PGM5: variants seen among roughly 807,000 people sequenced by gnomAD.
The protein encoded by PGM5 is phosphoglucomutase 5, also known as phosphoglucomutase-like protein 5.
In PGM5, 23 loss-of-function variants were observed where a neutral mutation model predicts 59.2. The ratio of observed to expected loss-of-function variants is 0.39; its 90% CI spans 0.28 to 0.55. The LOEUF (loss-of-function observed/expected upper bound fraction) is 0.55. Among genes scored for constraint, PGM5 ranks in the 20% least tolerant of loss-of-function variants. The pLI is 0.66. For synonymous variants in PGM5, 214 were observed against 286.0 expected (o/e 0.75, Z 2.54); for missense variants, 574 against 748.3 (o/e 0.77, Z 2.72).
At chr9:68,445,281 A>T (rs2132065994) in intron 6 of PGM5, among the ~76,000 whole-genome samples, 1 of 152,286 alleles carries the variant, frequency 6.6e-6, no homozygotes, top group South Asian at 2.1e-4. Flanking sequence ...TTCTTTCTGA[A>T]CAGAACCCAA....
intron 6 of PGM5, among the ~76,000 whole-genome samples, chr9:68,430,117 A>G (rs1554682913): frequency 6.6e-6 from 1 of 152,272 alleles, no homozygotes; most frequent in East Asian, 1.9e-4. Context: ...CTGAAAAAAT[A>G]AACATAATTG....
chr9:68,466,020 A>T, intron 7 of PGM5: 2 of 567,894 alleles, frequency 3.5e-6, no homozygotes, highest in Non-Finnish European at 5.4e-6. Context: ...TTATTTTTTC[A>T]AATATTTCTC....
rs1823381023 is a variant in PGM5, at chr9:68,433,031, A to T, written c.1044-32062A>T. Among the ~76,000 whole-genome samples, 3 of 152,240 alleles carry T rather than the reference A, an allele frequency of 2.0e-5. No homozygotes were observed. The South Asian group carries it at 6.2e-4, about 32-fold the overall frequency. On this transcript the variant is annotated intron_variant, in intron 6 of 10. Transcript: ENST00000396396. ...TCCAATTTTGCACTATATATACAAT[A>T]CTGCAGTGAATACCCTGCTATGTAT...
intron 6 of PGM5, among the ~76,000 whole-genome samples, chr9:68,454,090 T>G (rs112135844): frequency 3.9e-5 from 6 of 152,276 alleles, no homozygotes; most frequent in African/African-American, 1.4e-4. Context: ...CAGATTTTAG[T>G]TGGGCTTGGG....
intron 7 of PGM5, among the ~76,000 whole-genome samples, chr9:68,473,067 G>A (rs982151086): frequency 3.3e-5 from 5 of 152,060 alleles, no homozygotes; most frequent in Non-Finnish European, 5.9e-5. Context: ...TAAGTGGTTT[G>A]AGAAATGAAA....
intron 1 of PGM5, among the ~76,000 whole-genome samples, chr9:68,370,744 A>G (rs1387602679): frequency 6.6e-6 from 1 of 152,230 alleles, no homozygotes; most frequent in Non-Finnish European, 1.5e-5. Flanking sequence ...AAAAAGCCCA[A>G]TGACATAATT....
intron 6 of PGM5, among the ~76,000 whole-genome samples, chr9:68,436,424 A>G (rs1554683378): frequency 6.6e-6 from 1 of 152,192 alleles, no homozygotes; most frequent in Non-Finnish European, 1.5e-5. Context: ...AATGATGAGA[A>G]AGCAGGACCC....
chr9:68,489,091 G>A (rs985503664), intron 9 of PGM5, among the ~76,000 whole-genome samples: 1 of 152,010 alleles, frequency 6.6e-6, no homozygotes, highest in Non-Finnish European at 1.5e-5. Flanking sequence ...CTTCACCATC[G>A]ATACCCTAAA....
At chr9:68,484,999 A>G (rs1208123020) in intron 9 of PGM5, among the ~76,000 whole-genome samples, 4 of 152,326 alleles carry the variant, frequency 2.6e-5, no homozygotes, top group Middle Eastern at 3.4e-3. Flanking sequence ...TCCTTGGGAT[A>G]TTTTTGCTCA....
chr9:68,510,923 TTGTC>T (rs1207745033), intron 10 of PGM5, among the ~76,000 whole-genome samples: 1 of 152,220 alleles, frequency 6.6e-6, no homozygotes, highest in African/African-American at 2.4e-5. Context: ...AATCTAAGCT[TTGTC>T]TGAAGAGGTA....
At chr9:68,461,853 G>T (rs17059173) in intron 6 of PGM5, among the ~76,000 whole-genome samples, 2 of 151,950 alleles carry the variant, frequency 1.3e-5, no homozygotes, top group East Asian at 3.8e-4. Context: ...CAGGCAACTT[G>T]AAGTATTCTG....
At position 68,406,949 on chromosome 9, in the gene PGM5, G is replaced by T. The variant is rs551969514; in HGVS notation, c.1043+14476G>T. 1.8e-3 allele frequency among the ~76,000 whole-genome samples: 277 copies of T among 151,636 alleles called. 2 individuals are homozygous for T. The highest frequency in any genetic ancestry group is 6.4e-3 in the African/African-American group (263 of 41,322). On this transcript the variant is annotated intron_variant, in intron 6 of 10. Transcript: ENST00000396396. ...ACTAGTGAGGCAGGGGTGCTTTCTT[G>T]CTGTGTATATTCACATTTCAGAGTC...
In PGM5 at chr9:68,417,126, C is replaced by T. The variant is rs74730319; in HGVS notation, c.1043+24653C>T. On this transcript the variant is annotated intron_variant, in intron 6 of 10. Transcript: ENST00000396396. ...CTGATAAGACAAACACTCTCTGAAT[C>T]GGATACGGGCCTACTGGTATCTTTA... Among the ~76,000 whole-genome samples the T allele has an allele frequency of 7.7e-3, 1,166 of 152,286 alleles. 12 individuals are homozygous for T. Among genetic ancestry groups the T allele is most frequent in the African/African-American group, 0.027 (1,125 of 41,558 alleles).
intron 10 of PGM5, 124 bp from the exon 11 acceptor site, chr9:68,529,443 A>G (rs1825045513): frequency 1.4e-6 from 1 of 712,778 alleles, no homozygotes; most frequent in Non-Finnish European, 2.4e-6. Context: ...TGTCCTGCTC[A>G]TGAAGACTGC....
intron 1 of PGM5, among the ~76,000 whole-genome samples, chr9:68,376,281 T>A (rs540171369): frequency 1.5e-3 from 235 of 152,326 alleles, no homozygotes; most frequent in Admixed American, 2.8e-3. Flanking sequence ...CTATTATTAT[T>A]ATATTATTAT....
intron 7 of PGM5, among the ~76,000 whole-genome samples, chr9:68,468,396 A>G (rs1441096819): frequency 2.0e-5 from 3 of 152,242 alleles, no homozygotes; most frequent in Admixed American, 1.3e-4. Flanking sequence ...TGGTAAGTAC[A>G]GGTTATCCCT....
chr9:68,382,462 T>A (rs1421477013), intron 2 of PGM5, among the ~76,000 whole-genome samples: 1 of 151,776 alleles, frequency 6.6e-6, no homozygotes, highest in Non-Finnish European at 1.5e-5. Context: ...AATGATTTCT[T>A]GGATATCACA....
rs543116278 is a variant in PGM5, at chr9:68,520,106, C to A, written c.1615-9461C>A. 4.2e-3 allele frequency among the ~76,000 whole-genome samples: 593 copies of A among 139,740 alleles called. 5 individuals are homozygous for A. Among genetic ancestry groups the A allele is most frequent in the Middle Eastern group, 0.016 (4 of 258 alleles). 91.7% of individuals were successfully genotyped at this position (139,740 alleles called of 152,430 possible). ...CCCTGTCTCAAAAAAAAAAAAAAGA[C>A]AACTATAAGCTCGTTATAAAAAATA... On this transcript the variant is annotated intron_variant, in intron 10 of 10. Transcript: ENST00000396396.
chr9:68,432,667 G>A (rs2132057111), intron 6 of PGM5, among the ~76,000 whole-genome samples: 1 of 151,918 alleles, frequency 6.6e-6, no homozygotes, highest in South Asian at 2.1e-4. Context: ...GGGCAGTGGT[G>A]CAATCTCGGC....
Sources: allele counts gnomAD v4.1 joint callset (sites outside exome capture counted in the v4.1 genomes callset), GRCh38; gene constraint gnomAD v4.1.1; transcripts MANE v1.5; gene names NCBI Gene and HGNC (gene_info 2026-07-23, HGNC 2026-07-21).